The following DAPP1 variants were observed in gnomAD, a reference collection of about 807,000 sequenced individuals.
DAPP1 encodes dual adapter for phosphotyrosine and 3-phosphotyrosine and 3-phosphoinositide.
DAPP1 carries 20 observed loss-of-function variants against 41.5 expected under a neutral mutation model. The observed-to-expected ratio is 0.48, with a 90% CI of 0.34 to 0.70. DAPP1 has a LOEUF of 0.70. DAPP1 is among the 30% of genes least tolerant of loss of function. DAPP1 has a pLI of 0.01. For synonymous variants in DAPP1, 113 were observed against 116.2 expected (o/e 0.97, Z 0.18); for missense variants, 233 against 333.4 (o/e 0.70, Z 2.35).
At chr4:99,817,932 G>A (rs1051456869) in intron 1 of DAPP1, among the ~76,000 whole-genome samples, 1 of 152,190 alleles carries the variant, frequency 6.6e-6, no homozygotes, top group African/African-American at 2.4e-5. Context: ...TACCAAACAG[G>A]TTTGAATAAC....
At chr4:99,863,394 C>T (rs1560709534) in intron 6 of DAPP1, among the ~76,000 whole-genome samples, 1 of 152,140 alleles carries the variant, frequency 6.6e-6, no homozygotes, top group Non-Finnish European at 1.5e-5. Context: ...ATTAAAAATA[C>T]AGTTTCTCCA....
chr4:99,865,912 T>TATAAA (rs1553942162), intron 7 of DAPP1, 122 bp from the exon 8 acceptor site: 2 of 91,360 alleles, frequency 2.2e-5, no homozygotes, highest in Non-Finnish European at 4.1e-5. Context: ...TATATATATA[T>TATAAA]ATATATATAT....
chr4:99,837,352 C>T (rs1723336788), intron 2 of DAPP1, among the ~76,000 whole-genome samples: 1 of 152,120 alleles, frequency 6.6e-6, no homozygotes, highest in Non-Finnish European at 1.5e-5. Context: ...AACTCCCATT[C>T]CTGGAACAGT....
chr4:99,857,784 T>A (rs1206971383), intron 4 of DAPP1, among the ~76,000 whole-genome samples: 2 of 151,942 alleles, frequency 1.3e-5, no homozygotes, highest in African/African-American at 4.8e-5. Flanking sequence ...CTTGTTTAAT[T>A]AACTATATAT....
rs1373260723 is a variant in DAPP1 at position 99,868,873 on chromosome 4, T to C, written c.*688T>C. ...ATAATAAAGGTAAATGAAGGTACAA[T>C]TTTTAAACCATTATTTTCACCCTGT... On this transcript the variant is annotated 3_prime_UTR_variant, in exon 9 of 9. Coordinates refer to ENST00000512369, the MANE Select transcript of DAPP1 (RefSeq NM_014395.3). The C allele has an allele frequency of 6.6e-6, 1 of 152,264 alleles. No individual in the cohort carries two copies. The highest frequency in any genetic ancestry group is 2.4e-5 in the African/African-American group (1 of 41,560). The allele number at this position is 152,264 out of a possible 1,614,324, so 9.4% of individuals were successfully genotyped here.
chr4:99,850,503 A>G (rs1370266366), intron 3 of DAPP1, among the ~76,000 whole-genome samples: 1 of 152,154 alleles, frequency 6.6e-6, no homozygotes. Flanking sequence ...TTAAAGCATT[A>G]TTTTCATATT....
intron 3 of DAPP1, among the ~76,000 whole-genome samples, chr4:99,848,270 C>T (rs1386570314): frequency 6.6e-6 from 1 of 151,090 alleles, no homozygotes; most frequent in African/African-American, 2.4e-5. Flanking sequence ...CTCTGTTGCC[C>T]AGGCTGGAGT....
chr4:99,856,856 G>A (rs1724061586), intron 4 of DAPP1, among the ~76,000 whole-genome samples: 1 of 152,216 alleles, frequency 6.6e-6, no homozygotes, highest in South Asian at 2.1e-4. Flanking sequence ...AAAGGGCCAG[G>A]TGATATCCAC....
chr4:99,819,222 T>C (rs1399172361), intron 1 of DAPP1, among the ~76,000 whole-genome samples: 1 of 152,214 alleles, frequency 6.6e-6, no homozygotes, highest in Non-Finnish European at 1.5e-5. Context: ...TTTTAGGACA[T>C]TTCTGTTCTC....
intron 3 of DAPP1, among the ~76,000 whole-genome samples, chr4:99,842,738 C>A (rs79454734): frequency 2.6e-5 from 4 of 152,164 alleles, no homozygotes; most frequent in African/African-American, 9.7e-5. Context: ...TAAAAATAGG[C>A]CTTTTCTTCT....
At chr4:99,820,179 G>A (rs1217640336) in intron 1 of DAPP1, among the ~76,000 whole-genome samples, 1 of 152,156 alleles carries the variant, frequency 6.6e-6, no homozygotes, top group Non-Finnish European at 1.5e-5. Flanking sequence ...GGAGAATCAG[G>A]GGAGAGGAAG....
At chr4:99,839,118 C>T (rs900474558) in intron 2 of DAPP1, among the ~76,000 whole-genome samples, 6 of 152,124 alleles carry the variant, frequency 3.9e-5, no homozygotes, top group African/African-American at 1.4e-4. Flanking sequence ...GGTCCCCAGA[C>T]CAGGTGTGTC....
intron 3 of DAPP1, 57 bp from the exon 4 acceptor site, chr4:99,853,161 A>G: frequency 7.5e-6 from 12 of 1,597,664 alleles, no homozygotes; most frequent in Non-Finnish European, 1.0e-5. Flanking sequence ...TCCAGTTAGC[A>G]TTTGGACCTT....
In DAPP1 at chr4:99,868,166, G is replaced by C; in HGVS notation, c.824G>C (p.Arg275Pro). The C allele has an allele frequency of 1.2e-6, 2 of 1,613,900 alleles. No homozygotes were observed. Among genetic ancestry groups the C allele is most frequent in the Non-Finnish European group, 1.7e-6 (2 of 1,179,846 alleles). The change falls in exon 9 of 9, where the codon CGG (arginine) becomes CCG (proline). Residue 275 changes from arginine (R) to proline (P), a missense_variant. By Grantham distance (103) the Arg-to-Pro change is moderately radical. Transcript: ENST00000512369. ...CAAGGGGAAGGCACGATCCGATCTC[G>C]GTCGTTCATCTTTAAATAGATCTTT... is the stretch of plus-strand genomic sequence containing the variant. ...LNQGEGTIRS[R>P]SFIFK
At chr4:99,862,838 A>G (rs1724286852) in intron 5 of DAPP1, among the ~76,000 whole-genome samples, 172 bp from the exon 6 acceptor site, 1 of 152,110 alleles carries the variant, frequency 6.6e-6, no homozygotes, top group South Asian at 2.1e-4. Context: ...ATTTTTATAG[A>G]TATTTTGAAA....
chr4:99,839,067 C>G (rs1723400121), intron 2 of DAPP1, among the ~76,000 whole-genome samples: 2 of 152,132 alleles, frequency 1.3e-5, no homozygotes, highest in Admixed American at 6.5e-5. Flanking sequence ...CCTTGAAGAG[C>G]AGTAGATCCA....
At chr4:99,862,208 C>G (rs2110166485) in intron 5 of DAPP1, among the ~76,000 whole-genome samples, 1 of 152,310 alleles carries the variant, frequency 6.6e-6, no homozygotes, top group South Asian at 2.1e-4. Flanking sequence ...CTCACAGACA[C>G]TGACATGCTT....
intron 1 of DAPP1, among the ~76,000 whole-genome samples, chr4:99,834,391 ATT>A (rs1018060738): frequency 5.9e-4 from 86 of 146,688 alleles, no homozygotes; most frequent in African/African-American, 2.1e-3. Flanking sequence ...GACAATTTGA[ATT>A]TTTTTTTTTT....
At chr4:99,845,970 G>A (rs1723651757) in intron 3 of DAPP1, among the ~76,000 whole-genome samples, 1 of 152,194 alleles carries the variant, frequency 6.6e-6, no homozygotes, top group African/African-American at 2.4e-5. Context: ...TACATTTACA[G>A]GAAGCAGTAC....
Sources: gnomAD v4.1 joint callset for allele counts (sites outside exome capture counted in the v4.1 genomes callset) on GRCh38, gnomAD v4.1.1 for gene constraint, MANE v1.5 for transcripts, NCBI Gene and HGNC (gene_info 2026-07-23, HGNC 2026-07-21) for gene names.